SUGCT: variants seen among roughly 807,000 people sequenced by gnomAD.
The protein encoded by SUGCT is succinyl-CoA:glutarate CoA-transferase.
A neutral mutation model predicts 55.0 loss-of-function variants in SUGCT; 41 were observed. The observed-to-expected ratio is 0.74, with a 90% CI of 0.58 to 0.97. The LOEUF (loss-of-function observed/expected upper bound fraction) is 0.97, where lower values mean the gene tolerates loss of function less well. SUGCT is among the 50% of genes least tolerant of loss of function. The pLI, the probability that SUGCT is intolerant of heterozygous loss-of-function variation, is 0.00. For missense variants in SUGCT, 568 were observed against 547.8 expected, an observed-to-expected ratio of 1.04 and a Z score of -0.37; for synonymous variants, 187 against 200.4, an observed-to-expected ratio of 0.93 and a Z score of 0.56.
the SUGCT span, among the ~76,000 whole-genome samples, chr7:40,967,942 T>C: frequency 2.6e-5 from 4 of 152,216 alleles, no homozygotes; most frequent in African/African-American, 9.6e-5. Flanking sequence ...AAGACTGGAC[T>C]CAATGGATAT....
At chr7:40,344,021 G>A (rs1797188195) in intron 9 of SUGCT, among the ~76,000 whole-genome samples, 3 of 152,128 alleles carry the variant, frequency 2.0e-5, no homozygotes, top group Admixed American at 6.6e-5. Flanking sequence ...AGGAGGTTGC[G>A]TATTGGATAT....
At chr7:40,363,323 T>C (rs1238501439) in intron 9 of SUGCT, among the ~76,000 whole-genome samples, 2 of 152,174 alleles carry the variant, frequency 1.3e-5, no homozygotes, top group Non-Finnish European at 2.9e-5. Flanking sequence ...TCAGTTGTGC[T>C]CTGATTTTAG....
intron 9 of SUGCT, among the ~76,000 whole-genome samples, chr7:40,409,055 A>G (rs1202962721): frequency 1.3e-5 from 2 of 152,272 alleles, no homozygotes; most frequent in African/African-American, 2.4e-5. Flanking sequence ...CCCAGGCTCA[A>G]GTGATCCTCC....
chr7:40,903,390 G>C, the SUGCT span, among the ~76,000 whole-genome samples: 1 of 152,154 alleles, frequency 6.6e-6, no homozygotes, highest in Non-Finnish European at 1.5e-5. Flanking sequence ...AGTTCAGAAA[G>C]GGGGAGAAGA....
chr7:40,362,756 T>G (rs1396883420), intron 9 of SUGCT, among the ~76,000 whole-genome samples: 1 of 152,108 alleles, frequency 6.6e-6, no homozygotes, highest in Non-Finnish European at 1.5e-5. Flanking sequence ...AACTCAGTGG[T>G]TTTTTTGTAT....
Position 40,440,657 on chromosome 7 carries a change from T to C in SUGCT, c.817-8630T>C, listed in dbSNP as rs1295610586. 2.0e-5 allele frequency among the ~76,000 whole-genome samples: 3 copies of C among 152,180 alleles called. No individual in the cohort carries two copies. The East Asian group carries it at 5.8e-4, about 29-fold the overall frequency. On this transcript the variant is annotated intron_variant, in intron 9 of 13. Transcript: ENST00000335693. ...AAATTTTACCATCTCAATCTATTTC[T>C]AGGGACTTTTCTAGGATCACTTTTC...
rs531486635 is a variant in SUGCT, at chr7:40,275,606, A to G, written c.720+950A>G. On this transcript the variant is annotated intron_variant, in intron 8 of 13. Coordinates refer to ENST00000335693, the MANE Select transcript of SUGCT (RefSeq NM_001193313.2). ...ATTTATTCGTGATCAAGTCATAGGTACCACTAATATTCTTGTGGTTTGTCA... is the reference window on the plus strand; with the variant it reads ...ATTTATTCGTGATCAAGTCATAGGTGCCACTAATATTCTTGTGGTTTGTCA... Among the ~76,000 whole-genome samples the G allele has an allele frequency of 4.6e-5, 7 of 152,290 alleles. No individual in the cohort carries two copies. The East Asian group carries it at 1.4e-3, about 29-fold the overall frequency.
chr7:40,408,701 C>A (rs887703675), intron 9 of SUGCT, among the ~76,000 whole-genome samples: 1 of 152,092 alleles, frequency 6.6e-6, no homozygotes, highest in Non-Finnish European at 1.5e-5. Flanking sequence ...GAAATGGAAG[C>A]ATTCTCATTG....
At chr7:40,158,735 GT>G (rs1254728601) in intron 1 of SUGCT, among the ~76,000 whole-genome samples, 1 of 152,210 alleles carries the variant, frequency 6.6e-6, no homozygotes, top group East Asian at 1.9e-4. Context: ...GGGTAACAGA[GT>G]GAGAGTCTGT....
At chr7:41,008,748 G>T in the SUGCT span, among the ~76,000 whole-genome samples, 3 of 151,992 alleles carry the variant, frequency 2.0e-5, no homozygotes, top group African/African-American at 7.2e-5. Flanking sequence ...GAGGGCAAAT[G>T]CGCCCTTCCC....
intron 12 of SUGCT, among the ~76,000 whole-genome samples, chr7:40,572,871 CAA>C (rs1796527769): frequency 1.3e-5 from 2 of 152,108 alleles, no homozygotes; most frequent in Non-Finnish European, 2.9e-5. Context: ...ATTGTGGCAT[CAA>C]ACTTCTGTGA....
intron 8 of SUGCT, among the ~76,000 whole-genome samples, chr7:40,277,815 T>A (rs1381896265): frequency 6.6e-6 from 1 of 151,972 alleles, no homozygotes; most frequent in African/African-American, 2.4e-5. Flanking sequence ...ACTAGGTATA[T>A]CTCCTAATGC....
chr7:40,505,181 TTC>T (rs1792519361), intron 12 of SUGCT, among the ~76,000 whole-genome samples: 1 of 152,186 alleles, frequency 6.6e-6, no homozygotes, highest in South Asian at 2.1e-4. Context: ...AGCCACTCTA[TTC>T]TCTTTCATGG....
chr7:40,928,518 A>C, the SUGCT span, among the ~76,000 whole-genome samples: 4 of 151,966 alleles, frequency 2.6e-5, no homozygotes, highest in South Asian at 8.3e-4. Flanking sequence ...CTATATTTGC[A>C]ATTGCTTTGT....
intron 12 of SUGCT, among the ~76,000 whole-genome samples, chr7:40,614,100 C>A (rs570066849): frequency 6.6e-6 from 1 of 152,026 alleles, no homozygotes; most frequent in East Asian, 1.9e-4. Context: ...AGAAGATAAG[C>A]CAAAAATTAT....
intron 9 of SUGCT, among the ~76,000 whole-genome samples, chr7:40,372,129 T>A (rs554280874): frequency 5.9e-5 from 9 of 151,990 alleles, no homozygotes; most frequent in African/African-American, 2.2e-4. Context: ...GTTTTTGGAT[T>A]ATATTTTTTT....
At chr7:40,913,684 G>T in the SUGCT span, among the ~76,000 whole-genome samples, 1 of 152,150 alleles carries the variant, frequency 6.6e-6, no homozygotes, top group Admixed American at 6.5e-5. Context: ...GTCTAGAATG[G>T]ACTCATCTAG....
At chr7:40,146,436 G>C (rs559285881) in intron 1 of SUGCT, among the ~76,000 whole-genome samples, 96 of 152,178 alleles carry the variant, frequency 6.3e-4, no homozygotes, top group Non-Finnish European at 1.0e-3. Context: ...TGGGAAATTA[G>C]GGGTCTCACA....
chr7:40,251,158 C>T lies in SUGCT; in HGVS notation c.576+13432C>T, dbSNP rs550695592. 2.0e-5 allele frequency among the ~76,000 whole-genome samples: 3 copies of T among 152,270 alleles called. No individual in the cohort carries two copies. In the South Asian group the frequency reaches 6.2e-4, roughly 32 times the overall value. ...TTCATGCTTCTTTAACTATTACCTA[C>T]ATGTTCCATCATGTATTGATTTCAT... On this transcript the variant is annotated intron_variant, in intron 7 of 13. Coordinates refer to ENST00000335693, the MANE Select transcript of SUGCT (RefSeq NM_001193313.2).
Sources: gnomAD v4.1 joint callset for allele counts (sites outside exome capture counted in the v4.1 genomes callset) on GRCh38, gnomAD v4.1.1 for gene constraint, MANE v1.5 for transcripts, NCBI Gene and HGNC (gene_info 2026-07-23, HGNC 2026-07-21) for gene names.